OCA2: variants seen among roughly 807,000 people sequenced by gnomAD.
OCA2 encodes the protein P protein.
Under a neutral mutation model 100.2 loss-of-function variants are expected in OCA2, and 77 were observed. That is an observed-to-expected ratio of 0.77 (90% CI 0.64 to 0.93). The LOEUF is 0.93. Among genes scored for constraint, OCA2 ranks in the 40% least tolerant of loss-of-function variants. The pLI is 0.00. For missense variants in OCA2, 1,062 were observed against 1,089.1 expected (o/e 0.98, Z 0.35); for synonymous variants, 432 against 439.2 (o/e 0.98, Z 0.21).
At chr15:28,050,518 G>A (rs1416583090) in intron 2 of OCA2, among the ~76,000 whole-genome samples, 3 of 149,680 alleles carry the variant, frequency 2.0e-5, no homozygotes, top group Non-Finnish European at 4.4e-5. Flanking sequence ...TCGAGATCGT[G>A]CCACTGTACT....
intron 11 of OCA2, among the ~76,000 whole-genome samples, chr15:27,987,389 A>C (rs2041389804): frequency 6.6e-6 from 1 of 151,216 alleles, no homozygotes; most frequent in South Asian, 2.1e-4. Flanking sequence ...GAATGAGAAG[A>C]TGCAAGTTCA....
intron 14 of OCA2, 97 bp downstream of exon 14, chr15:27,983,248 G>C (rs1021677312): frequency 2.3e-5 from 34 of 1,461,156 alleles, no homozygotes; most frequent in Non-Finnish European, 3.2e-5. Context: ...GTGGCGTGAT[G>C]ATCTTGATTT....
intron 19 of OCA2, among the ~76,000 whole-genome samples, chr15:27,879,476 T>C (rs768796983): frequency 1.3e-5 from 2 of 152,184 alleles, no homozygotes; most frequent in Non-Finnish European, 2.9e-5. Context: ...ACACCAACAG[T>C]GTAAAAGCAT....
intron 14 of OCA2, among the ~76,000 whole-genome samples, chr15:27,979,329 A>G (rs985820520): frequency 7.2e-5 from 11 of 152,240 alleles, no homozygotes; most frequent in African/African-American, 2.7e-4. Flanking sequence ...ATGTAATCCC[A>G]AAGTTAGCTG....
chr15:27,771,041 TTTTCCTTCC>T (rs1415638847), intron 23 of OCA2, among the ~76,000 whole-genome samples: 5 of 138,300 alleles, frequency 3.6e-5, no homozygotes, highest in Admixed American at 7.2e-5. Context: ...TCCCTCCCTC[TTTTCCTTCC>T]TTTCCTTCCT....
At chr15:28,006,948 G>A (rs1439490666) in intron 9 of OCA2, among the ~76,000 whole-genome samples, 2 of 152,206 alleles carry the variant, frequency 1.3e-5, no homozygotes, top group Non-Finnish European at 2.9e-5. Flanking sequence ...AAACTCCCTG[G>A]AAGATGGAAG....
chr15:27,824,578 TTCTCTC>T (rs368293640), intron 23 of OCA2, among the ~76,000 whole-genome samples: 1 of 53,636 alleles, frequency 1.9e-5, no homozygotes, highest in Admixed American at 2.6e-4. Context: ...TAAATACAAT[TTCTCTC>T]TCTCTCTCTC....
rs1230344159 is a variant in OCA2 at position 27,994,875 on chromosome 15, T to C, written c.1045-4228A>G. On this transcript the variant is annotated intron_variant, in intron 9 of 23. Transcript: ENST00000354638. ...AGCTAGTCATCATGTAAATTCCAGATAGGTGGGATACCGAGCAGATGGAAA... is the reference window on the plus strand; with the variant it reads ...AGCTAGTCATCATGTAAATTCCAGACAGGTGGGATACCGAGCAGATGGAAA... Among the ~76,000 whole-genome samples the C allele has an allele frequency of 3.3e-5, 5 of 152,052 alleles. No homozygotes were observed. In the East Asian group the frequency reaches 9.7e-4, roughly 29 times the overall value.
chr15:27,780,638 T>G (rs2151086788), intron 23 of OCA2, among the ~76,000 whole-genome samples: 1 of 152,354 alleles, frequency 6.6e-6, no homozygotes, highest in Admixed American at 6.5e-5. Context: ...TACAGGCTCC[T>G]TAGAGCCTAA....
chr15:27,950,981 C>CA (rs1411954358), intron 18 of OCA2, among the ~76,000 whole-genome samples: 1 of 152,218 alleles, frequency 6.6e-6, no homozygotes, highest in East Asian at 1.9e-4. Flanking sequence ...AAGACTGTGA[C>CA]ACCACCTCAA....
chr15:28,067,730 T>G (rs2044068476), intron 2 of OCA2, among the ~76,000 whole-genome samples: 1 of 152,222 alleles, frequency 6.6e-6, no homozygotes, highest in South Asian at 2.1e-4. Context: ...TCTTTTGAAT[T>G]TATTGAAACT....
rs75295597 is a variant in OCA2 at position 27,982,780 on chromosome 15, A to T, written c.1503+565T>A. Among the ~76,000 whole-genome samples, 3,322 of 152,332 alleles carry T rather than the reference A, an allele frequency of 0.022. 933 individuals are homozygous for T. In the East Asian group the frequency reaches 0.6, roughly 27 times the overall value. ...AATTCTAATGATCAAAGAGTAGAGA[A>T]TAAAAATTAATGATATAGTTCAATT... On this transcript the variant is annotated intron_variant, in intron 14 of 23. Coordinates refer to ENST00000354638, the MANE Select transcript of OCA2 (RefSeq NM_000275.3).
intron 23 of OCA2, among the ~76,000 whole-genome samples, chr15:27,811,418 A>C (rs1456538839): frequency 6.6e-6 from 1 of 152,048 alleles, no homozygotes; most frequent in Non-Finnish European, 1.5e-5. Context: ...TACAATGTAC[A>C]CTCCTCAGGT....
chr15:28,079,108 C>T (rs553708827), intron 2 of OCA2, among the ~76,000 whole-genome samples: 19 of 152,284 alleles, frequency 1.2e-4, no homozygotes, highest in African/African-American at 2.2e-4. Flanking sequence ...ACCTTTTCAA[C>T]GCAGTCTGAA....
chr15:28,093,575 A>G (rs1365386670), intron 1 of OCA2, among the ~76,000 whole-genome samples: 2 of 152,166 alleles, frequency 1.3e-5, no homozygotes, highest in East Asian at 3.8e-4. Context: ...TAAAATTGCA[A>G]CTACCAGCCA....
rs374331162 is a variant in OCA2 at position 27,864,449 on chromosome 15, C to T, written c.2244+6705G>A. ...TTAAGTTTTTTAAAAAATTGTAAAG[C>T]TAAAGCTCAAATGAAATGTTTTTGA... On this transcript the variant is annotated intron_variant, in intron 21 of 23. Coordinates refer to ENST00000354638, the MANE Select transcript of OCA2 (RefSeq NM_000275.3). Among the ~76,000 whole-genome samples, 22 of 152,236 alleles carry T rather than the reference C, an allele frequency of 1.4e-4. No homozygotes were observed. In the East Asian group the frequency reaches 2.5e-3, roughly 17 times the overall value.
intron 18 of OCA2, among the ~76,000 whole-genome samples, chr15:27,932,860 C>A (rs956870714): frequency 1.3e-5 from 2 of 151,584 alleles, no homozygotes; most frequent in Non-Finnish European, 2.9e-5. Flanking sequence ...CTACAGCCTT[C>A]GATTATAAAA....
intron 23 of OCA2, among the ~76,000 whole-genome samples, chr15:27,844,241 G>A (rs1354676245): frequency 6.6e-6 from 1 of 152,152 alleles, no homozygotes; most frequent in Non-Finnish European, 1.5e-5. Context: ...CCTCCTGAGA[G>A]GTGCCCACAC....
chr15:27,777,002 G>A (rs1264860407), intron 23 of OCA2, among the ~76,000 whole-genome samples: 1 of 151,136 alleles, frequency 6.6e-6, no homozygotes, highest in Non-Finnish European at 1.5e-5. Context: ...GTGTTGGAGA[G>A]CACTTCCCCC....
Sources: allele counts gnomAD v4.1 joint callset (sites outside exome capture counted in the v4.1 genomes callset), GRCh38; gene constraint gnomAD v4.1.1; transcripts MANE v1.5; gene names NCBI Gene and HGNC (gene_info 2026-07-23, HGNC 2026-07-21).